Variants in CAMTA1 observed in about 807,000 individuals in gnomAD.
CAMTA1 encodes calmodulin-binding transcription activator 1.
CAMTA1 carries 27 observed loss-of-function variants against 170.9 expected under a neutral mutation model. The ratio of observed to expected loss-of-function variants is 0.16; its 90% CI spans 0.12 to 0.22. The LOEUF (loss-of-function observed/expected upper bound fraction) is 0.22, where lower values mean the gene tolerates loss of function less well. CAMTA1 is among the 10% of genes least tolerant of loss of function. The pLI is 1.00. For missense variants in CAMTA1, 1,619 were observed against 2,217.2 expected (o/e 0.73, Z 5.42); for synonymous variants, 833 against 891.5 (o/e 0.93, Z 1.17).
At chr1:6,816,522 C>T (rs936516574) in intron 1 of CAMTA1, among the ~76,000 whole-genome samples, 2 of 152,104 alleles carry the variant, frequency 1.3e-5, no homozygotes, top group South Asian at 2.1e-4. Flanking sequence ...ACCCTGTGGG[C>T]GAGAGGCTTC....
At chr1:7,392,339 T>C (rs1372758978) in intron 5 of CAMTA1, among the ~76,000 whole-genome samples, 1 of 145,918 alleles carries the variant, frequency 6.9e-6, no homozygotes, top group African/African-American at 2.5e-5. Context: ...CACCGCAACC[T>C]CCACCTCCCA....
intron 5 of CAMTA1, among the ~76,000 whole-genome samples, chr1:7,254,612 A>G (rs539129127): frequency 6.6e-6 from 1 of 152,318 alleles, no homozygotes; most frequent in East Asian, 1.9e-4. Context: ...ATGTTTTGAG[A>G]CTTGGCCTCA....
At chr1:7,354,479 C>T (rs1205235223) in intron 5 of CAMTA1, among the ~76,000 whole-genome samples, 1 of 152,210 alleles carries the variant, frequency 6.6e-6, no homozygotes, top group Non-Finnish European at 1.5e-5. Context: ...ATCCAGTGTT[C>T]ATGGGCACCT....
intron 3 of CAMTA1, among the ~76,000 whole-genome samples, chr1:6,896,441 AT>A (rs945466040): frequency 6.6e-6 from 1 of 152,020 alleles, no homozygotes; most frequent in African/African-American, 2.4e-5. Context: ...ATTTTCTGTG[AT>A]TTCTCCTGTG....
At chr1:7,003,893 A>G (rs768767465) in intron 3 of CAMTA1, among the ~76,000 whole-genome samples, 9 of 152,214 alleles carry the variant, frequency 5.9e-5, no homozygotes, top group Non-Finnish European at 7.3e-5. Context: ...CACATGTCAG[A>G]CAAGAGATTA....
intron 3 of CAMTA1, among the ~76,000 whole-genome samples, chr1:6,913,554 G>A (rs560118107): frequency 1.2e-4 from 19 of 152,326 alleles, no homozygotes; most frequent in African/African-American, 4.3e-4. Context: ...CATAGACTCA[G>A]ATTGACTTCT....
chr1:6,958,237 G>C (rs1189664923), intron 3 of CAMTA1, among the ~76,000 whole-genome samples: 1 of 152,198 alleles, frequency 6.6e-6, no homozygotes, highest in African/African-American at 2.4e-5. Context: ...GCTGGTATAA[G>C]ATAAAGTTCA....
chr1:7,023,429 A>G lies in CAMTA1; in HGVS notation c.235-67875A>G, dbSNP rs189004046. 2.0e-5 allele frequency among the ~76,000 whole-genome samples: 3 copies of G among 152,338 alleles called. No homozygotes were observed. In the East Asian group the frequency reaches 5.8e-4, roughly 29 times the overall value. ...TACAAAGCAGACTAGCAAATTGACC[A>G]CCACGGGAGATAATCCACAAATGCT... On this transcript the variant is annotated intron_variant, in intron 3 of 22. Transcript: ENST00000303635.
At chr1:6,888,597 TC>T (rs1332739749) in intron 3 of CAMTA1, among the ~76,000 whole-genome samples, 1 of 152,172 alleles carries the variant, frequency 6.6e-6, no homozygotes, top group Non-Finnish European at 1.5e-5. Flanking sequence ...AATTTTGGCA[TC>T]GAGTAAACAA....
chr1:7,044,709 G>A lies in CAMTA1; in HGVS notation c.235-46595G>A, dbSNP rs919758502. On this transcript the variant is annotated intron_variant, in intron 3 of 22. Transcript: ENST00000303635. The surrounding 1 kb of genome is among the most constrained non-coding windows in gnomAD (Gnocchi z 5.0). Reference sequence around the variant, plus strand: ...CCTCTCTGGGCGACCTTCCGAGGAGGCATCAGCTCTTCCCTTGCTTTGGGG... The same window carrying A: ...CCTCTCTGGGCGACCTTCCGAGGAGACATCAGCTCTTCCCTTGCTTTGGGG... Among the ~76,000 whole-genome samples the A allele has an allele frequency of 2.0e-5, 3 of 150,454 alleles. No homozygotes were observed. The South Asian group carries it at 6.3e-4, about 31-fold the overall frequency.
intron 5 of CAMTA1, among the ~76,000 whole-genome samples, chr1:7,334,966 C>T (rs140365654): frequency 1.3e-5 from 2 of 152,236 alleles, no homozygotes; most frequent in East Asian, 1.9e-4. Context: ...TTGCACTCCG[C>T]GGACAATTTA....
At chr1:7,351,837 T>C (rs1359063014) in intron 5 of CAMTA1, among the ~76,000 whole-genome samples, 1 of 152,204 alleles carries the variant, frequency 6.6e-6, no homozygotes, top group Non-Finnish European at 1.5e-5. Context: ...GCTTGACATT[T>C]ATGGCAAGTA....
chr1:6,907,326 G>A (rs1199114746), intron 3 of CAMTA1, among the ~76,000 whole-genome samples: 1 of 152,130 alleles, frequency 6.6e-6, no homozygotes, highest in Non-Finnish European at 1.5e-5. Flanking sequence ...AAGGAGACAT[G>A]GCAAACGAAC....
At chr1:7,614,464 T>G (rs984272281) in intron 6 of CAMTA1, among the ~76,000 whole-genome samples, 5 of 152,144 alleles carry the variant, frequency 3.3e-5, no homozygotes, top group African/African-American at 7.2e-5. Context: ...TTGAAATATT[T>G]TGTACGTAAT....
chr1:7,125,284 CTG>C (rs1644866961), intron 4 of CAMTA1, among the ~76,000 whole-genome samples: 1 of 152,266 alleles, frequency 6.6e-6, no homozygotes, highest in African/African-American at 2.4e-5. Context: ...AGGGAGCAGA[CTG>C]TATTCATTCA....
rs570984826 is a variant in CAMTA1 at position 7,552,298 on chromosome 1, C to T, written c.510+84397C>T. 5.9e-4 allele frequency among the ~76,000 whole-genome samples: 90 copies of T among 152,344 alleles called. 2 individuals carry two copies. Among genetic ancestry groups the T allele is most frequent in the Admixed American group, 3.1e-3 (47 of 15,306 alleles). On this transcript the variant is annotated intron_variant, in intron 6 of 22. Transcript: ENST00000303635. ...AGTCCCAGAACAGGACCTCTGAGCCCGGACCTCACTCAGCCCCTGCAAGGT... is the reference window on the plus strand; with the variant it reads ...AGTCCCAGAACAGGACCTCTGAGCCTGGACCTCACTCAGCCCCTGCAAGGT...
At chr1:7,148,451 G>C (rs1176709910) in intron 4 of CAMTA1, among the ~76,000 whole-genome samples, 1 of 149,514 alleles carries the variant, frequency 6.7e-6, no homozygotes, top group East Asian at 2.0e-4. Context: ...TCCCCGCCAT[G>C]CTCCTTCTTC....
chr1:7,600,744 A>G (rs1313999823), intron 6 of CAMTA1, among the ~76,000 whole-genome samples: 2 of 152,014 alleles, frequency 1.3e-5, no homozygotes, highest in African/African-American at 2.4e-5. Flanking sequence ...ACCACCCTTA[A>G]TCCATTCAAC....
At chr1:7,453,846 G>C (rs1335883027) in intron 5 of CAMTA1, among the ~76,000 whole-genome samples, 1 of 152,226 alleles carries the variant, frequency 6.6e-6, no homozygotes, top group Non-Finnish European at 1.5e-5. Context: ...AGCTGCTGTG[G>C]AGTCTTTGCT....
Sources: allele counts gnomAD v4.1 joint callset (sites outside exome capture counted in the v4.1 genomes callset), GRCh38; gene constraint gnomAD v4.1.1; non-coding constraint Gnocchi (gnomAD v3.1); transcripts MANE v1.5; gene names NCBI Gene and HGNC (gene_info 2026-07-23, HGNC 2026-07-21).